C10orf105: variants seen among roughly 807,000 people sequenced by gnomAD.
The protein encoded by C10orf105 is chromosome 10 open reading frame 105, also known as uncharacterized protein C10orf105.
In C10orf105, 2 loss-of-function variants were observed where a neutral mutation model predicts 0.6. That is an observed-to-expected ratio of 3.18 (90% CI 1.30 to 10.01). The LOEUF is 10.01. C10orf105 is among the 30% of genes most tolerant of loss of function. The probability of loss-of-function intolerance (pLI) is 0.04; values close to 1 mark genes in which losing one functional copy is unlikely to be tolerated. For synonymous variants in C10orf105, 95 were observed against 82.4 expected, an observed-to-expected ratio of 1.15 and a Z score of -0.83; for missense variants, 209 against 191.4, an observed-to-expected ratio of 1.09 and a Z score of -0.54.
In C10orf105 at chr10:71,730,659, G is replaced by A. The variant is rs936515568; in HGVS notation, c.-6+7069C>T. 4 of 1,603,240 alleles carry A rather than the reference G, an allele frequency of 2.5e-6. No individual in the cohort carries two copies. In the South Asian group the frequency reaches 4.5e-5, roughly 18 times the overall value. On this transcript the variant is annotated intron_variant, in intron 1 of 1. Coordinates refer to the C10orf105 transcript ENST00000398786. ...CCATTGCTCAGAGCAAACCTCCCCA[G>A]CTCACCCAGCCCCTCCTTCGAAACG...
chr10:71,726,667 G>A (rs7918082), intron 1 of C10orf105, among the ~76,000 whole-genome samples: 53,008 of 152,232 alleles, frequency 0.35, 11,486 homozygotes, highest in African/African-American at 0.6. Flanking sequence ...TGGCTTGCAT[G>A]ACTGTGAATC....
intron 1 of C10orf105, among the ~76,000 whole-genome samples, chr10:71,728,949 G>A (rs114831534): frequency 4.0e-5 from 6 of 151,752 alleles, no homozygotes; most frequent in South Asian, 2.1e-4. Flanking sequence ...TCTTGCCTCC[G>A]CCTCCCTAGT....
intron 1 of C10orf105, among the ~76,000 whole-genome samples, chr10:71,730,050 G>A (rs1839312021): frequency 6.6e-6 from 1 of 152,016 alleles, no homozygotes; most frequent in African/African-American, 2.4e-5. Context: ...TAGCCAGGAT[G>A]GTCTCGATCT....
chr10:71,722,775 C>T (rs1412746938), upstream of C10orf105, among the ~76,000 whole-genome samples: 1 of 152,120 alleles, frequency 6.6e-6, no homozygotes, highest in Non-Finnish European at 1.5e-5. Context: ...GAGAGCTTGC[C>T]AGGAAACAGC....
chr10:71,727,050 C>T (rs768064715), intron 1 of C10orf105, among the ~76,000 whole-genome samples: 2 of 152,234 alleles, frequency 1.3e-5, no homozygotes, highest in African/African-American at 2.4e-5. Context: ...TGCCCGTCTC[C>T]CCTGAACCCT....
chr10:71,720,574 C>T (rs1040289941), upstream of C10orf105, among the ~76,000 whole-genome samples: 3 of 152,218 alleles, frequency 2.0e-5, no homozygotes, highest in Admixed American at 2.0e-4. Flanking sequence ...AGAAATGCAA[C>T]TCAAGACAGG....
intron 1 of C10orf105, among the ~76,000 whole-genome samples, chr10:71,727,520 C>T (rs75493745): frequency 0.031 from 4,691 of 152,328 alleles, 121 homozygotes; most frequent in East Asian, 0.096. Context: ...TTCCCAGCAG[C>T]AGGGGAGAGA....
intron 1 of C10orf105, among the ~76,000 whole-genome samples, chr10:71,727,109 G>A (rs1166434200): frequency 6.6e-6 from 1 of 152,174 alleles, no homozygotes; most frequent in East Asian, 1.9e-4. Flanking sequence ...TAAATGCCTC[G>A]TGTACTTTAA....
intron 1 of C10orf105, chr10:71,717,730 C>T (rs1290866936): frequency 1.3e-5 from 2 of 152,220 alleles, no homozygotes; most frequent in African/African-American, 4.8e-5. Context: ...AGTGCAGGCC[C>T]AGTGTGGTCA....
chr10:71,718,101 G>T (rs983217953), intron 1 of C10orf105, among the ~76,000 whole-genome samples: 3 of 152,164 alleles, frequency 2.0e-5, no homozygotes, highest in African/African-American at 7.2e-5. Flanking sequence ...GAGGGTGGGG[G>T]ATAGCAGATT....
chr10:71,734,280 G>A, intron 1 of C10orf105: 1 of 1,612,594 alleles, frequency 6.2e-7, no homozygotes, highest in Non-Finnish European at 8.5e-7. Context: ...CGTGAGAAGG[G>A]CGACTTCTAT....
chr10:71,713,591 A>G lies in C10orf105; in HGVS notation c.*2345T>C, dbSNP rs1866081741. ...GCAGGGAGCTGACTCCCAGAAACAC[A>G]GAGAGCCCAGAAAGCCCTGAGGATT... On this transcript the variant is annotated 3_prime_UTR_variant, in exon 2 of 2. Coordinates refer to ENST00000441508, the MANE Select transcript of C10orf105 (RefSeq NM_001164375.3). 5.1e-6 allele frequency: 2 copies of G among 395,682 alleles called. No individual in the cohort carries two copies. The highest frequency in any genetic ancestry group is 2.1e-5 in the African/African-American group (1 of 48,710). The allele number at this position is 395,682 out of a possible 1,614,324, so 24.5% of individuals were successfully genotyped here. A position where few individuals can be genotyped will look rare whatever the true frequency, so the allele number is the denominator to read the frequency against.
At chr10:71,719,146 G>A (rs941672310) in intron 1 of C10orf105, among the ~76,000 whole-genome samples, 1 of 152,072 alleles carries the variant, frequency 6.6e-6, no homozygotes, top group Non-Finnish European at 1.5e-5. Context: ...CTGTGGCAAC[G>A]AGAGATTCCT....
upstream of C10orf105, among the ~76,000 whole-genome samples, chr10:71,720,639 CCA>C (rs1399739432): frequency 2.6e-5 from 4 of 152,250 alleles, no homozygotes; most frequent in African/African-American, 9.6e-5. Context: ...TTTTGGAGCC[CCA>C]GTTTCTGGTT....
chr10:71,730,694 GA>G (rs1473872750), intron 1 of C10orf105: 2 of 1,546,178 alleles, frequency 1.3e-6, no homozygotes, highest in Non-Finnish European at 1.7e-6. Context: ...GGTCATCCCT[GA>G]TGCTTCAGGC....
chr10:71,737,697 CT>C (rs1162569199), intron 1 of C10orf105: 2 of 470,426 alleles, frequency 4.3e-6, no homozygotes, highest in East Asian at 1.4e-4. Context: ...TCCAACCCCC[CT>C]CACACCCTCA....
chr10:71,737,636 G>C, intron 1 of C10orf105: 2 of 463,478 alleles, frequency 4.3e-6, no homozygotes, highest in Admixed American at 4.7e-5. Flanking sequence ...TCTGGCCTGG[G>C]GCAGGGCAGT....
rs371158202 is a variant in C10orf105, at chr10:71,714,977, G to A, written c.*959C>T. The A allele has an allele frequency of 2.0e-5, 3 of 152,294 alleles. No individual in the cohort carries two copies. The highest frequency in any genetic ancestry group is 7.2e-5 in the African/African-American group (3 of 41,452). 9.4% of individuals were successfully genotyped at this position (152,294 alleles called of 1,614,324 possible). ...CATCCTGGGGTGGGACTGCTTTGAC[G>A]GGTCATCAGCAAAGCACTCACCAAA... On this transcript the variant is annotated 3_prime_UTR_variant, in exon 2 of 2. Transcript: ENST00000441508.
Position 71,733,554 on chromosome 10 carries a change from G to A in C10orf105, c.-6+4174C>T, listed in dbSNP as rs528287944. ...ACTCCTATCACCTAGGAAATGCCAG[G>A]GGATTAAGAGCTTTGTGCCAGGAAC... On this transcript the variant is annotated intron_variant, in intron 1 of 1. Transcript: ENST00000398786. 3.3e-5 allele frequency among the ~76,000 whole-genome samples: 5 copies of A among 152,222 alleles called. No homozygotes were observed. The East Asian group carries it at 5.8e-4, about 18-fold the overall frequency.
Sources: gnomAD v4.1 joint callset for allele counts (sites outside exome capture counted in the v4.1 genomes callset) on GRCh38, gnomAD v4.1.1 for gene constraint, MANE v1.5 for transcripts, NCBI Gene and HGNC (gene_info 2026-07-23, HGNC 2026-07-21) for gene names.